Variants in LDLRAD3 observed in about 807,000 individuals in gnomAD.
LDLRAD3 encodes low density lipoprotein receptor class A domain containing 3.
Under a neutral mutation model 29.4 loss-of-function variants are expected in LDLRAD3, and 20 were observed. The observed-to-expected ratio is 0.68, with a 90% CI of 0.48 to 0.99. The LOEUF (loss-of-function observed/expected upper bound fraction) is 0.99, where lower values mean the gene tolerates loss of function less well. LDLRAD3 is among the 50% of genes least tolerant of loss of function. The probability of loss-of-function intolerance (pLI) is 0.00; values close to 1 mark genes in which losing one functional copy is unlikely to be tolerated. For synonymous variants in LDLRAD3, 157 were observed against 192.7 expected (o/e 0.81, Z 1.53); for missense variants, 420 against 454.3 (o/e 0.92, Z 0.69).
rs146294795 is a variant in LDLRAD3, at chr11:36,054,253, G to A, written c.193+18004G>A. ...GCCAGGATTTTTCTCCCACCAACCG[G>A]CAATCCTTTTTGAAGTCTTATATTT... On this transcript the variant is annotated intron_variant, in intron 2 of 5. Transcript: ENST00000315571. Among the ~76,000 whole-genome samples the A allele has an allele frequency of 1.3e-3, 196 of 152,232 alleles. 3 individuals are homozygous for A. Among genetic ancestry groups the A allele is most frequent in the African/African-American group, 4.5e-3 (189 of 41,542 alleles).
chr11:36,125,341 G>A (rs76766366), intron 4 of LDLRAD3, among the ~76,000 whole-genome samples: 2,872 of 152,234 alleles, frequency 0.019, 79 homozygotes, highest in African/African-American at 0.066. Context: ...ACTTTTAGGC[G>A]GATGACTTTC....
At chr11:36,119,148 C>T (rs1316273100) in intron 4 of LDLRAD3, among the ~76,000 whole-genome samples, 4 of 152,158 alleles carry the variant, frequency 2.6e-5, no homozygotes, top group African/African-American at 9.7e-5. Flanking sequence ...TTCTTGATAT[C>T]CACCACAAAA....
chr11:35,967,052 TG>T, intron 1 of LDLRAD3: 1 of 205,554 alleles, frequency 4.9e-6, no homozygotes. Context: ...TTGAAGACCT[TG>T]CACTCTTTCC....
intron 1 of LDLRAD3, among the ~76,000 whole-genome samples, chr11:35,981,238 G>C (rs539084423): frequency 6.6e-6 from 1 of 152,178 alleles, no homozygotes; most frequent in East Asian, 1.9e-4. Context: ...CTGAGTCAGA[G>C]GGAGGGAGGG....
intron 4 of LDLRAD3, among the ~76,000 whole-genome samples, chr11:36,143,706 A>G (rs956392134): frequency 9.9e-5 from 15 of 152,206 alleles, no homozygotes; most frequent in Non-Finnish European, 2.1e-4. Flanking sequence ...CCGGAAGTCC[A>G]AGCACAAGGT....
At chr11:35,946,274 A>G (rs967108338) in intron 1 of LDLRAD3, among the ~76,000 whole-genome samples, 6 of 152,040 alleles carry the variant, frequency 3.9e-5, no homozygotes, top group African/African-American at 1.5e-4. Context: ...TGATAAAACA[A>G]GAGAGATTGT....
In LDLRAD3 at chr11:35,984,356, A is replaced by G. The variant is rs191328951; in HGVS notation, c.46+40212A>G. ...GAAGTGGTTTATTGCCCTGGTTTAT[A>G]GAGAAGGGATCTGGGTCTCAGAGAG... On this transcript the variant is annotated intron_variant, in intron 1 of 5. Transcript: ENST00000315571. 9.1e-4 allele frequency among the ~76,000 whole-genome samples: 139 copies of G among 152,158 alleles called. 1 individual carries two copies. The highest frequency in any genetic ancestry group is 8.2e-4 in the Non-Finnish European group (56 of 68,004).
chr11:36,191,620 A>ACACACG (rs1854953424), intron 4 of LDLRAD3, among the ~76,000 whole-genome samples: 1 of 84,484 alleles, frequency 1.2e-5, no homozygotes, highest in African/African-American at 4.2e-5. Flanking sequence ...ACACACACAC[A>ACACACG]CACGCACGCA....
chr11:36,144,690 C>T (rs1325982475), intron 4 of LDLRAD3, among the ~76,000 whole-genome samples: 2 of 126,314 alleles, frequency 1.6e-5, no homozygotes, highest in African/African-American at 3.1e-5. Context: ...CCCCTCCGCC[C>T]GGCAGCCACC....
At chr11:36,190,146 T>C (rs567417309) in intron 4 of LDLRAD3, among the ~76,000 whole-genome samples, 19 of 151,548 alleles carry the variant, frequency 1.3e-4, no homozygotes, top group African/African-American at 4.1e-4. Flanking sequence ...AGAAGGAAAC[T>C]TAAAACAGAA....
At chr11:35,992,924 G>C (rs1164372026) in intron 1 of LDLRAD3, among the ~76,000 whole-genome samples, 1 of 152,138 alleles carries the variant, frequency 6.6e-6, no homozygotes, top group Non-Finnish European at 1.5e-5. Context: ...ATATAAAGGT[G>C]AATCAAAACA....
At chr11:36,027,254 G>T (rs1260153075) in intron 1 of LDLRAD3, among the ~76,000 whole-genome samples, 1 of 152,212 alleles carries the variant, frequency 6.6e-6, no homozygotes, top group Non-Finnish European at 1.5e-5. Flanking sequence ...AAGTGAGATT[G>T]AGTATATATT....
At position 36,012,369 on chromosome 11, in the gene LDLRAD3, A is replaced by G. The variant is rs184582597; in HGVS notation, c.47-23734A>G. Among the ~76,000 whole-genome samples, 425 of 152,350 alleles carry G rather than the reference A, an allele frequency of 2.8e-3. 2 individuals carry two copies. The highest frequency in any genetic ancestry group is 5.6e-3 in the South Asian group (27 of 4,828). ...CAGATAGAAAATTTTTTCTCACTGTACATCTTAGCAACCTCAGCATAAGTT... is the reference window on the plus strand; with the variant it reads ...CAGATAGAAAATTTTTTCTCACTGTGCATCTTAGCAACCTCAGCATAAGTT... On this transcript the variant is annotated intron_variant, in intron 1 of 5. Coordinates refer to ENST00000315571, the MANE Select transcript of LDLRAD3 (RefSeq NM_174902.4).
intron 1 of LDLRAD3, among the ~76,000 whole-genome samples, chr11:36,018,842 A>G (rs566059332): frequency 7.2e-5 from 11 of 152,334 alleles, no homozygotes; most frequent in African/African-American, 2.4e-4. Flanking sequence ...GAGGCTGTGC[A>G]TCTTTTCATT....
In LDLRAD3 at chr11:35,944,163, G is replaced by T; in HGVS notation, c.46+19G>T. The T allele has an allele frequency of 9.8e-7, 1 of 1,020,492 alleles. No homozygotes were observed. Among genetic ancestry groups the T allele is most frequent in the Non-Finnish European group, 1.2e-6 (1 of 854,550 alleles). The allele number at this position is 1,020,492 out of a possible 1,614,324, so 63.2% of individuals were successfully genotyped here. ...GCCGCGGGTGAGTCGGGGGGCGGCC[G>T]GCGAACTTCCCGCGGGGCGCGGGGC... is the stretch of plus-strand genomic sequence containing the variant. On this transcript the variant is annotated intron_variant, in intron 1 of 5. Transcript: ENST00000315571. This position sits in a 1 kb window ranked among gnomAD's most constrained non-coding sequence, Gnocchi z 4.9.
intron 1 of LDLRAD3, among the ~76,000 whole-genome samples, chr11:35,972,179 C>G (rs1224718912): frequency 6.6e-6 from 1 of 151,846 alleles, no homozygotes; most frequent in African/African-American, 2.4e-5. Context: ...TCTGTGAAAC[C>G]CCAGAGTTTC....
At chr11:36,068,954 C>T (rs1417167754) in intron 2 of LDLRAD3, among the ~76,000 whole-genome samples, 1 of 152,212 alleles carries the variant, frequency 6.6e-6, no homozygotes, top group Admixed American at 6.5e-5. Context: ...GCTGTTTCAA[C>T]TGGATGCCTT....
rs1855306058 is a variant in LDLRAD3 at position 36,213,105 on chromosome 11, C to T, written c.455-13980C>T. 6.6e-6 allele frequency among the ~76,000 whole-genome samples: 1 copy of T among 150,606 alleles called. No homozygotes were observed. Among genetic ancestry groups the T allele is most frequent in the African/African-American group, 2.5e-5 (1 of 40,798 alleles). ...CCTCTCTCCCTCCCTGTTCCTCTTC[C>T]ACTCCCCCTCCCCTTGCTTTCCCTC... is the stretch of plus-strand genomic sequence containing the variant. On this transcript the variant is annotated intron_variant, in intron 4 of 5. Transcript: ENST00000315571. The surrounding 1 kb of genome is among the most constrained non-coding windows in gnomAD (Gnocchi z 4.1).
chr11:36,196,758 C>T (rs1443939588), intron 4 of LDLRAD3: 1 of 152,210 alleles, frequency 6.6e-6, no homozygotes, highest in Non-Finnish European at 1.5e-5. Context: ...TCTGCTAAGT[C>T]CATGCAAATA....
Sources: gnomAD v4.1 joint callset for allele counts (sites outside exome capture counted in the v4.1 genomes callset) on GRCh38, gnomAD v4.1.1 for gene constraint, Gnocchi (gnomAD v3.1) non-coding constraint, MANE v1.5 for transcripts, NCBI Gene and HGNC (gene_info 2026-07-23, HGNC 2026-07-21) for gene names.